Variants in PHACTR4 observed in about 807,000 individuals in gnomAD.
The protein encoded by PHACTR4 is phosphatase and actin regulator 4.
In PHACTR4, 51 loss-of-function variants were observed where a neutral mutation model predicts 72.7. That is an observed-to-expected ratio of 0.70 (90% CI 0.56 to 0.89). The LOEUF (loss-of-function observed/expected upper bound fraction) is 0.89, where lower values mean the gene tolerates loss of function less well. Ranked by LOEUF, PHACTR4 falls within the 40% of genes least tolerant of loss-of-function variation. The pLI is 0.00. For synonymous variants in PHACTR4, 255 were observed against 302.5 expected (o/e 0.84, Z 1.63); for missense variants, 731 against 861.8 (o/e 0.85, Z 1.90).
At chr1:28,474,252 G>A (rs1037724167) in intron 7 of PHACTR4, 101 bp downstream of exon 7, 6 of 1,108,222 alleles carry the variant, frequency 5.4e-6, no homozygotes, top group Middle Eastern at 2.9e-4. Context: ...GGGCCTAGTG[G>A]CCCACACCTG....
chr1:28,414,309 G>A (rs912793898), intron 2 of PHACTR4, among the ~76,000 whole-genome samples: 5 of 151,342 alleles, frequency 3.3e-5, no homozygotes, highest in African/African-American at 4.9e-5. Flanking sequence ...CAGGTGATCC[G>A]CCTGCCTCGG....
intron 1 of PHACTR4, among the ~76,000 whole-genome samples, chr1:28,384,862 AG>A (rs1398193034): frequency 6.6e-6 from 1 of 152,234 alleles, no homozygotes; most frequent in African/African-American, 2.4e-5. Flanking sequence ...TCTGTGCTCC[AG>A]CCTGGACAAC....
intron 2 of PHACTR4, among the ~76,000 whole-genome samples, chr1:28,423,869 G>A (rs2124350510): frequency 6.6e-6 from 1 of 152,316 alleles, no homozygotes; most frequent in Non-Finnish European, 1.5e-5. Flanking sequence ...TATTCAAACA[G>A]AATTGGGAGA....
chr1:28,452,743 C>T (rs113284931), intron 2 of PHACTR4, among the ~76,000 whole-genome samples: 5 of 152,040 alleles, frequency 3.3e-5, no homozygotes, highest in African/African-American at 7.2e-5. Context: ...TTGCAGTGAG[C>T]CAAGATCACA....
intron 1 of PHACTR4, 102 bp downstream of exon 1, chr1:28,369,927 C>G (rs1193541065): frequency 1.3e-5 from 5 of 380,540 alleles, no homozygotes; most frequent in Non-Finnish European, 2.5e-5. Context: ...GAGAGGGTCC[C>G]GGTCCGGGCA....
At chr1:28,438,056 T>C (rs1656746381) in intron 2 of PHACTR4, 1 of 863,428 alleles carries the variant, frequency 1.2e-6, no homozygotes, top group Non-Finnish European at 1.4e-6. Flanking sequence ...TGTGGACTTT[T>C]GGGCTATGCC....
chr1:28,437,940 G>A (rs1251079786), intron 2 of PHACTR4, among the ~76,000 whole-genome samples: 1 of 152,158 alleles, frequency 6.6e-6, no homozygotes. Flanking sequence ...GTGTTTTTGT[G>A]TGATTAAATT....
intron 2 of PHACTR4, among the ~76,000 whole-genome samples, chr1:28,409,652 A>T (rs1280869671): frequency 1.3e-5 from 2 of 152,212 alleles, no homozygotes; most frequent in Non-Finnish European, 2.9e-5. Flanking sequence ...GAGGAAGTAT[A>T]GTAAAAATAC....
rs114385042 is a variant in PHACTR4 at position 28,377,779 on chromosome 1, C to T, written c.-39+7954C>T. On this transcript the variant is annotated intron_variant, in intron 1 of 13. Transcript: ENST00000373839. Reference sequence around the variant, plus strand: ...CTGGAAGGTTGAGGCTGCAGTGAGCCGTAATTGCGCCACTGCACTCTAGCC... The same window carrying T: ...CTGGAAGGTTGAGGCTGCAGTGAGCTGTAATTGCGCCACTGCACTCTAGCC... Among the ~76,000 whole-genome samples, 886 of 149,862 alleles carry T rather than the reference C, an allele frequency of 5.9e-3. 4 individuals are homozygous for T. Among genetic ancestry groups the T allele is most frequent in the Non-Finnish European group, 8.1e-3 (545 of 67,686 alleles).
At chr1:28,403,676 AT>A (rs1654103898) in intron 1 of PHACTR4, among the ~76,000 whole-genome samples, 2 of 152,152 alleles carry the variant, frequency 1.3e-5, no homozygotes, top group Middle Eastern at 3.4e-3. Flanking sequence ...ACTCTAACCA[AT>A]TTTAGAACAT....
Position 28,459,278 on chromosome 1 carries a change from ATG to A in PHACTR4, c.190+26_190+27del. ...CAGAAGGTGAGATATTAAGGGTTAA[ATG>A]TGTGTTCTGAGTTAGAATTCTCTAT... On this transcript the variant is annotated intron_variant, in intron 3 of 13. Transcript: ENST00000373839. The A allele has an allele frequency of 6.3e-7, 1 of 1,599,240 alleles. No individual in the cohort carries two copies. The highest frequency in any genetic ancestry group is 8.6e-7 in the Non-Finnish European group (1 of 1,168,700).
chr1:28,429,944 T>G (rs1656131010), intron 2 of PHACTR4, among the ~76,000 whole-genome samples: 2 of 152,144 alleles, frequency 1.3e-5, no homozygotes. Context: ...TATGATTAGC[T>G]CTTTACCTCT....
intron 1 of PHACTR4, among the ~76,000 whole-genome samples, chr1:28,376,268 G>T (rs1437826608): frequency 6.7e-6 from 1 of 149,350 alleles, no homozygotes; most frequent in Non-Finnish European, 1.5e-5. Flanking sequence ...AGCCAAGATT[G>T]TGCCACTGGA....
At chr1:28,409,423 G>C (rs1310849831) in intron 2 of PHACTR4, among the ~76,000 whole-genome samples, 1 of 152,076 alleles carries the variant, frequency 6.6e-6, no homozygotes, top group Non-Finnish European at 1.5e-5. Flanking sequence ...ATATGTCTTA[G>C]GATATCAGAT....
chr1:28,435,446 G>T (rs1316419296), intron 2 of PHACTR4, among the ~76,000 whole-genome samples: 2 of 152,192 alleles, frequency 1.3e-5, no homozygotes, highest in Non-Finnish European at 2.9e-5. Context: ...TGTATTTTTA[G>T]TAGAGCCAGG....
intron 6 of PHACTR4, among the ~76,000 whole-genome samples, chr1:28,470,416 A>T (rs1429015340): frequency 6.6e-6 from 1 of 152,006 alleles, no homozygotes; most frequent in Non-Finnish European, 1.5e-5. Context: ...AAGGCTAGGT[A>T]CAGTGGCTCA....
At chr1:28,405,890 T>TA (rs1170972472) in intron 1 of PHACTR4, among the ~76,000 whole-genome samples, 11 of 145,360 alleles carry the variant, frequency 7.6e-5, no homozygotes, top group South Asian at 2.2e-4. Flanking sequence ...AACTCCATCT[T>TA]AAAAAAAAAA....
intron 8 of PHACTR4, among the ~76,000 whole-genome samples, chr1:28,479,760 AC>A (rs1318854838): frequency 1.3e-5 from 2 of 151,122 alleles, no homozygotes; most frequent in Admixed American, 6.6e-5. Context: ...GGGCGTGGTG[AC>A]CCACGCCTAT....
At chr1:28,491,244 G>GA (rs1169920133) in intron 11 of PHACTR4, among the ~76,000 whole-genome samples, 1 of 149,854 alleles carries the variant, frequency 6.7e-6, no homozygotes, top group Non-Finnish European at 1.5e-5. Context: ...AAAAGAAAAA[G>GA]AAAAAAATGA....
Sources: allele counts gnomAD v4.1 joint callset (sites outside exome capture counted in the v4.1 genomes callset), GRCh38; gene constraint gnomAD v4.1.1; transcripts MANE v1.5; gene names NCBI Gene and HGNC (gene_info 2026-07-23, HGNC 2026-07-21).